The following VSNL1 variants were observed in gnomAD, a reference collection of about 807,000 sequenced individuals.
VSNL1 encodes visinin like 1.
A neutral mutation model predicts 20.4 loss-of-function variants in VSNL1; 6 were observed. That is an observed-to-expected ratio of 0.29 (90% CI 0.16 to 0.58). VSNL1 has a LOEUF of 0.58. VSNL1 is among the 20% of genes least tolerant of loss of function. The pLI is 0.90. For synonymous variants in VSNL1, 93 were observed against 86.4 expected (o/e 1.08, Z -0.42); for missense variants, 100 against 234.5 (o/e 0.43, Z 3.75).
chr2:17,646,027 A>G (rs563351167), intron 2 of VSNL1, among the ~76,000 whole-genome samples: 37 of 152,330 alleles, frequency 2.4e-4, no homozygotes, highest in Non-Finnish European at 4.4e-4. Context: ...AGCTCCATAC[A>G]CTTGTAATTT....
chr2:17,568,379 C>T (rs762092855), intron 1 of VSNL1, among the ~76,000 whole-genome samples: 1 of 152,094 alleles, frequency 6.6e-6, no homozygotes, highest in Non-Finnish European at 1.5e-5. Context: ...GTGATTTTCC[C>T]ACCTCAGCCT....
At chr2:17,567,469 C>G (rs34629059) in intron 1 of VSNL1, 37,543 of 149,866 alleles carry the variant, frequency 0.25, 5,580 homozygotes, top group Middle Eastern at 0.35. Flanking sequence ...CTCCATTCTC[C>G]TGCCTCAGCC....
chr2:17,542,745 G>T (rs1159179296), intron 1 of VSNL1, among the ~76,000 whole-genome samples: 1 of 152,108 alleles, frequency 6.6e-6, no homozygotes, highest in African/African-American at 2.4e-5. Flanking sequence ...TGATAAAGAG[G>T]GGTGGTAGAG....
intron 2 of VSNL1, among the ~76,000 whole-genome samples, chr2:17,603,543 T>C (rs550630765): frequency 1.2e-4 from 19 of 152,130 alleles, no homozygotes; most frequent in Admixed American, 8.5e-4. Context: ...GGGGATGATG[T>C]GGGAAATAGC....
Position 17,649,377 on chromosome 2 carries a change from C to G in VSNL1, c.163-33C>G, listed in dbSNP as rs183888478. On this transcript the variant is annotated intron_variant, in intron 2 of 3. Coordinates refer to ENST00000295156, the MANE Select transcript of VSNL1 (RefSeq NM_003385.5). This position sits in a 1 kb window ranked among gnomAD's most constrained non-coding sequence, Gnocchi z 6.4. ...CTCGTCGCCCCGATTCCATCCCCTC[C>G]CGACACCTGACTGCGCGTGTTCTCC... The G allele has an allele frequency of 1.4e-4, 219 of 1,609,464 alleles. No homozygotes were observed. In the African/African-American group the frequency reaches 2.7e-3, roughly 20 times the overall value.
At chr2:17,630,979 A>G (rs1307295062) in intron 2 of VSNL1, among the ~76,000 whole-genome samples, 1 of 152,156 alleles carries the variant, frequency 6.6e-6, no homozygotes, top group Non-Finnish European at 1.5e-5. Flanking sequence ...ACGGAGTTTC[A>G]CCATGTTGGC....
Position 17,649,544 on chromosome 2 carries a change from G to A in VSNL1, c.297G>A (p.Gln99=). The change falls in exon 3 of 4, where the codon CAG becomes CAA. Residue 99 remains glutamine, a synonymous_variant. Coordinates refer to ENST00000295156, the MANE Select transcript of VSNL1 (RefSeq NM_003385.5). This position sits in a 1 kb window ranked among gnomAD's most constrained non-coding sequence, Gnocchi z 6.4. The part of the protein sequence containing the change: ...LSITSRGSFE[Q]KLNWAFNMYD... ...TCACCTCCAGGGGCAGCTTTGAGCA[G>A]AAGCTGAACTGGGCCTTCAATATGT... 6.8e-6 allele frequency: 11 copies of A among 1,614,202 alleles called. No individual in the cohort carries two copies. Among genetic ancestry groups the A allele is most frequent in the Non-Finnish European group, 9.3e-6 (11 of 1,180,044 alleles).
At chr2:17,637,602 A>G (rs1222195267) in intron 2 of VSNL1, among the ~76,000 whole-genome samples, 1 of 152,102 alleles carries the variant, frequency 6.6e-6, no homozygotes, top group Non-Finnish European at 1.5e-5. Flanking sequence ...TCCTCCTTCA[A>G]ATCCCAAGTG....
rs970001948 is a variant in VSNL1, at chr2:17,637,929, G to A, written c.163-11481G>A. Among the ~76,000 whole-genome samples the A allele has an allele frequency of 4.6e-5, 7 of 152,272 alleles. No homozygotes were observed. In the South Asian group the frequency reaches 1.5e-3, roughly 32 times the overall value. Reference sequence around the variant, plus strand: ...CGTGGTCTCACATAACTCCCCCACGGCCCTGGATAATGCTGAGCGGTCAAG... The same window carrying A: ...CGTGGTCTCACATAACTCCCCCACGACCCTGGATAATGCTGAGCGGTCAAG... On this transcript the variant is annotated intron_variant, in intron 2 of 3. Transcript: ENST00000295156.
intron 2 of VSNL1, among the ~76,000 whole-genome samples, chr2:17,645,577 C>T (rs114518326): frequency 0.025 from 3,752 of 152,216 alleles, 175 homozygotes; most frequent in African/African-American, 0.085. Context: ...CCCTGGAGGC[C>T]CAGAGGCTAA....
intron 2 of VSNL1, among the ~76,000 whole-genome samples, chr2:17,620,258 G>C (rs1233313984): frequency 6.6e-6 from 1 of 152,178 alleles, no homozygotes; most frequent in Non-Finnish European, 1.5e-5. Flanking sequence ...TTCTCATGGG[G>C]ATCCAACTCC....
At chr2:17,584,724 C>T (rs1023689970) in intron 1 of VSNL1, among the ~76,000 whole-genome samples, 7 of 152,172 alleles carry the variant, frequency 4.6e-5, no homozygotes, top group African/African-American at 1.7e-4. Context: ...AGACATGATT[C>T]TGAAGGGCTT....
At chr2:17,590,902 A>C (rs1157060204) in intron 1 of VSNL1, among the ~76,000 whole-genome samples, 1 of 152,154 alleles carries the variant, frequency 6.6e-6, no homozygotes, top group Non-Finnish European at 1.5e-5. Flanking sequence ...GGCACTTTCC[A>C]GATTCTGGAA....
chr2:17,582,922 A>AT (rs1664384331), intron 1 of VSNL1, among the ~76,000 whole-genome samples: 1 of 152,096 alleles, frequency 6.6e-6, no homozygotes, highest in African/African-American at 2.4e-5. Context: ...AAATGAATGA[A>AT]TTGACTCATT....
At chr2:17,574,279 CT>C (rs1318608506) in intron 1 of VSNL1, among the ~76,000 whole-genome samples, 3 of 152,108 alleles carry the variant, frequency 2.0e-5, no homozygotes, top group Admixed American at 1.3e-4. Flanking sequence ...TTCTCTACCC[CT>C]GAGAATGATT....
chr2:17,603,739 C>A (rs964312389), intron 2 of VSNL1, among the ~76,000 whole-genome samples: 1 of 152,116 alleles, frequency 6.6e-6, no homozygotes, highest in Non-Finnish European at 1.5e-5. Context: ...AACTGCCAAA[C>A]GTGTTAGAGG....
At chr2:17,653,683 G>A (rs1227415250) in intron 3 of VSNL1, among the ~76,000 whole-genome samples, 1 of 152,128 alleles carries the variant, frequency 6.6e-6, no homozygotes, top group South Asian at 2.1e-4. Flanking sequence ...GTTAAATAAA[G>A]CACTTTCTAG....
intron 1 of VSNL1, among the ~76,000 whole-genome samples, chr2:17,561,852 C>A (rs1166666778): frequency 6.6e-6 from 1 of 152,150 alleles, no homozygotes; most frequent in Non-Finnish European, 1.5e-5. Context: ...GACAGAGAAT[C>A]CACACCAAGT....
chr2:17,604,320 T>A (rs538434457), intron 2 of VSNL1, among the ~76,000 whole-genome samples: 6 of 152,330 alleles, frequency 3.9e-5, no homozygotes, highest in African/African-American at 1.2e-4. Flanking sequence ...CCCTCCCTGC[T>A]CAGGGGCATG....
Sources: gnomAD v4.1 joint callset for allele counts (sites outside exome capture counted in the v4.1 genomes callset) on GRCh38, gnomAD v4.1.1 for gene constraint, Gnocchi (gnomAD v3.1) non-coding constraint, MANE v1.5 for transcripts, NCBI Gene and HGNC (gene_info 2026-07-23, HGNC 2026-07-21) for gene names.